The following TUT4 variants were observed in gnomAD, a reference collection of about 807,000 sequenced individuals.
The protein encoded by TUT4 is terminal uridylyltransferase 4.
A neutral mutation model predicts 192.2 loss-of-function variants in TUT4; 36 were observed. That is an observed-to-expected ratio of 0.19 (90% CI 0.14 to 0.25). The LOEUF (loss-of-function observed/expected upper bound fraction) is 0.25. TUT4 is among the 10% of genes least tolerant of loss of function. TUT4 has a pLI of 1.00. For missense variants in TUT4, 1,493 were observed against 1,957.2 expected (o/e 0.76, Z 4.47); for synonymous variants, 618 against 666.0 (o/e 0.93, Z 1.11).
At chr1:52,447,157 T>C (rs1435485157) in intron 20 of TUT4, among the ~76,000 whole-genome samples, 3 of 151,954 alleles carry the variant, frequency 2.0e-5, no homozygotes, top group Non-Finnish European at 2.9e-5. Context: ...TTTGTAAAAA[T>C]GGAAAATTAG....
intron 28 of TUT4, among the ~76,000 whole-genome samples, chr1:52,429,245 AGCT>A (rs1231110909): frequency 2.6e-5 from 4 of 151,452 alleles, no homozygotes; most frequent in African/African-American, 4.8e-5. Flanking sequence ...CACCACGCTC[AGCT>A]GATTTTTTGT....
intron 1 of TUT4, among the ~76,000 whole-genome samples, chr1:52,552,724 T>C (rs965242446): frequency 6.6e-6 from 1 of 152,124 alleles, no homozygotes; most frequent in Non-Finnish European, 1.5e-5. Flanking sequence ...CCCACCTCCC[T>C]TATCTCAGCC....
chr1:52,496,566 A>G (rs1383048941), intron 5 of TUT4, among the ~76,000 whole-genome samples: 1 of 152,152 alleles, frequency 6.6e-6, no homozygotes, highest in Non-Finnish European at 1.5e-5. Flanking sequence ...ATAAATATCT[A>G]AAATAAATCT....
At position 52,465,223 on chromosome 1, in the gene TUT4, G is replaced by T. The variant is rs199578682; in HGVS notation, c.2966-50C>A. ...AGGCCTTATTATAAGCAGAGAGGAG[G>T]AGTCTTCTGCTATCTGCTGATGACC... is the stretch of plus-strand genomic sequence containing the variant. On this transcript the variant is annotated intron_variant, in intron 15 of 29. Coordinates refer to ENST00000257177, the MANE Select transcript of TUT4 (RefSeq NM_001009881.3). 8 of 1,359,982 alleles carry T rather than the reference G, an allele frequency of 5.9e-6. No individual in the cohort carries two copies. The Admixed American group carries it at 9.3e-5, about 16-fold the overall frequency. 84.2% of individuals were successfully genotyped at this position (1,359,982 alleles called of 1,614,324 possible). A position where few individuals can be genotyped will look rare whatever the true frequency, so the allele number is the denominator to read the frequency against.
chr1:52,445,718 A>C, intron 24 of TUT4, 69 bp downstream of exon 24: 1 of 1,203,384 alleles, frequency 8.3e-7, no homozygotes, highest in Non-Finnish European at 1.2e-6. Context: ...ATCAGTTTGG[A>C]AACACAATTA....
At chr1:52,476,602 A>C (rs971636497) in intron 12 of TUT4, among the ~76,000 whole-genome samples, 2 of 152,200 alleles carry the variant, frequency 1.3e-5, no homozygotes, top group African/African-American at 2.4e-5. Flanking sequence ...CACAGGCTTT[A>C]AAAAGATTTT....
At chr1:52,450,869 G>A (rs866209837) in intron 20 of TUT4, among the ~76,000 whole-genome samples, 2 of 151,998 alleles carry the variant, frequency 1.3e-5, no homozygotes, top group Non-Finnish European at 2.9e-5. Flanking sequence ...CAAATTTGTG[G>A]TCCATTTTTG....
chr1:52,491,402 T>C (rs905981805), intron 7 of TUT4, among the ~76,000 whole-genome samples: 12 of 151,980 alleles, frequency 7.9e-5, no homozygotes, highest in African/African-American at 2.7e-4. Flanking sequence ...TAAAAACAGA[T>C]AGATTGGCCG....
intron 3 of TUT4, among the ~76,000 whole-genome samples, chr1:52,511,703 C>CA (rs1460160537): frequency 6.6e-6 from 1 of 152,042 alleles, no homozygotes; most frequent in Admixed American, 6.6e-5. Context: ...TGAGAAACTA[C>CA]AAAAAAGTTA....
intron 1 of TUT4, among the ~76,000 whole-genome samples, chr1:52,542,070 T>C (rs530211176): frequency 6.6e-6 from 1 of 152,306 alleles, no homozygotes; most frequent in African/African-American, 2.4e-5. Context: ...TTGAAGACAT[T>C]ATGCTATATG....
At chr1:52,507,480 G>A (rs563123381) in intron 4 of TUT4, among the ~76,000 whole-genome samples, 1 of 150,150 alleles carries the variant, frequency 6.7e-6, no homozygotes, top group Non-Finnish European at 1.5e-5. Flanking sequence ...TTTTTTTTTT[G>A]TTTGTCATTT....
At chr1:52,427,703 A>G (rs1035359757) in intron 28 of TUT4, among the ~76,000 whole-genome samples, 1 of 152,268 alleles carries the variant, frequency 6.6e-6, no homozygotes, top group Non-Finnish European at 1.5e-5. Flanking sequence ...CATTGTTCCA[A>G]AAGAAGCTGG....
Position 52,431,046 on chromosome 1 carries a change from A to C in TUT4, c.4678T>G (p.Ser1560Ala). The stretch of plus-strand genomic sequence containing the variant: ...CCCACTGCACCACTGTTTACCAGGG[A>C]ATTTGGAGCCACAGTACGGGGCCAG... The part of the protein sequence containing the change: ...GHWPRTVAPN[S>A]LVNSGAVGNS... Residue 1560 changes from serine (S) to alanine (A), a missense_variant, in exon 28 of 30, where the codon TCC becomes GCC. Physicochemically the swap from Ser to Ala is moderately conservative, Grantham distance 99. Around this residue, in one of 7 missense-constraint regions of TUT4, gnomAD observed 351 missense variants for 397.8 expected, o/e 0.88. Transcript: ENST00000257177. 1 of 1,601,052 alleles carries C rather than the reference A, an allele frequency of 6.2e-7. No individual in the cohort carries two copies. The highest frequency in any genetic ancestry group is 8.5e-7 in the Non-Finnish European group (1 of 1,169,712).
chr1:52,510,263 C>A (rs1226842679), intron 3 of TUT4, among the ~76,000 whole-genome samples: 1 of 142,802 alleles, frequency 7.0e-6, no homozygotes, highest in Admixed American at 7.4e-5. Context: ...AGCAGCGAGC[C>A]GAGATCGCAT....
intron 9 of TUT4, among the ~76,000 whole-genome samples, chr1:52,482,760 TTA>T (rs1028483148): frequency 3.3e-5 from 5 of 152,164 alleles, no homozygotes; most frequent in Admixed American, 2.6e-4. Flanking sequence ...AATGCTTAAA[TTA>T]TAGTCTATGA....
chr1:52,493,548 C>A, intron 7 of TUT4, 63 bp downstream of exon 7: 2 of 1,183,402 alleles, frequency 1.7e-6, no homozygotes. Flanking sequence ...ATATAAACAA[C>A]ACATGTACCT....
Position 52,475,331 on chromosome 1 carries a change from G to A in TUT4, c.2228C>T (p.Thr743Ile). 1.2e-6 allele frequency: 2 copies of A among 1,613,956 alleles called. No homozygotes were observed. Among genetic ancestry groups the A allele is most frequent in the South Asian group, 1.1e-5 (1 of 91,070 alleles). The change falls in exon 13 of 30, where the codon ACC (threonine) becomes ATC (isoleucine). Residue 743 changes from threonine (T) to isoleucine (I), a missense_variant. Physicochemically the swap from Thr to Ile is moderately conservative, Grantham distance 89. Coordinates refer to ENST00000257177, the MANE Select transcript of TUT4 (RefSeq NM_001009881.3). ...KKPVKSNNMA[T>I]NGCILLGETT... is the part of the protein sequence containing the mutation. Reference sequence around the variant, plus strand: ...TTCCCCAAGCAGAATACAACCATTGGTTGCCATATTGTTCGACTTGACTGG... The same window carrying A: ...TTCCCCAAGCAGAATACAACCATTGATTGCCATATTGTTCGACTTGACTGG...
chr1:52,475,252 C>T lies in TUT4; in HGVS notation c.2307G>A (p.Met769Ile), dbSNP rs1383948390. 1.2e-6 allele frequency: 2 copies of T among 1,614,068 alleles called. No individual in the cohort carries two copies. The highest frequency in any genetic ancestry group is 3.3e-5 in the Admixed American group (2 of 60,004). Residue 769 changes from methionine to isoleucine, a missense_variant, in exon 13 of 30, where the codon ATG (methionine) becomes ATA (isoleucine). Around this residue, in one of 7 missense-constraint regions of TUT4, gnomAD observed 245 missense variants for 218.4 expected, o/e 1.12. Transcript: ENST00000257177. ...TAATACATCTCTGTGATGTACAGTC[C>T]ATTTCATCACATTGAACAGGTTGCT... is the stretch of plus-strand genomic sequence containing the variant. The part of the protein sequence containing the change: ...EREQPVQCDE[M>I]DCTSQRCIID...
chr1:52,548,730 C>T (rs1688689427), intron 1 of TUT4, among the ~76,000 whole-genome samples: 1 of 152,212 alleles, frequency 6.6e-6, no homozygotes, highest in African/African-American at 2.4e-5. Context: ...TTAAAGCAAT[C>T]AGATTGTTGT....
Sources: gnomAD v4.1 joint callset for allele counts (sites outside exome capture counted in the v4.1 genomes callset) on GRCh38, gnomAD v4.1.1 for gene constraint, gnomAD v4.1.1 regional missense constraint, MANE v1.5 for transcripts, NCBI Gene and HGNC (gene_info 2026-07-23, HGNC 2026-07-21) for gene names.